KCNT2: variants seen among roughly 807,000 people sequenced by gnomAD.
KCNT2 encodes potassium channel subfamily T member 2.
In KCNT2, 67 loss-of-function variants were observed where a neutral mutation model predicts 153.8. The ratio of observed to expected loss-of-function variants is 0.44; its 90% CI spans 0.36 to 0.53. The LOEUF (loss-of-function observed/expected upper bound fraction) is 0.53. Among genes scored for constraint, KCNT2 ranks in the 20% least tolerant of loss-of-function variants. The pLI, the probability that KCNT2 is intolerant of heterozygous loss-of-function variation, is 0.00. For missense variants in KCNT2, 975 were observed against 1,354.8 expected (o/e 0.72, Z 4.40); for synonymous variants, 500 against 458.8 (o/e 1.09, Z -1.15).
At chr1:196,473,826 A>G (rs1376649510) in intron 5 of KCNT2, among the ~76,000 whole-genome samples, 2 of 152,186 alleles carry the variant, frequency 1.3e-5, no homozygotes, top group African/African-American at 4.8e-5. Context: ...ATGGTGAAAA[A>G]AAGTATGCTT....
intron 12 of KCNT2, among the ~76,000 whole-genome samples, chr1:196,415,186 CA>C (rs369830211): frequency 1.2e-4 from 18 of 151,964 alleles, no homozygotes; most frequent in African/African-American, 4.3e-4. Context: ...CAGACCTCGA[CA>C]TTTTGAAAAC....
chr1:196,580,279 G>A (rs1027405698), intron 1 of KCNT2, among the ~76,000 whole-genome samples: 2 of 152,154 alleles, frequency 1.3e-5, no homozygotes, highest in Non-Finnish European at 2.9e-5. Flanking sequence ...AGAAAAAAGT[G>A]ATAAACAATC....
intron 12 of KCNT2, among the ~76,000 whole-genome samples, chr1:196,402,686 A>G (rs1053453722): frequency 6.6e-6 from 1 of 151,668 alleles, no homozygotes; most frequent in Admixed American, 6.6e-5. Context: ...ATGACATTAA[A>G]TGCCAATGGA....
In KCNT2 at chr1:196,228,114, TA is replaced by T; in HGVS notation, c.*109del. 1.6e-6 allele frequency: 1 copy of T among 637,578 alleles called. No individual in the cohort carries two copies. Among genetic ancestry groups the T allele is most frequent in the Admixed American group, 2.9e-5 (1 of 34,270 alleles). 39.5% of individuals were successfully genotyped at this position (637,578 alleles called of 1,614,324 possible). On this transcript the variant is annotated 3_prime_UTR_variant, in exon 28 of 28. Transcript: ENST00000294725. Reference sequence around the variant, plus strand: ...CTTCTAAGAGAAGAGATTACGTTTTTAAATATGAGAGAATTACATATATTTC... The same window carrying T: ...CTTCTAAGAGAAGAGATTACGTTTTTAATATGAGAGAATTACATATATTTC...
intron 25 of KCNT2, among the ~76,000 whole-genome samples, chr1:196,279,789 A>G (rs1267233697): frequency 3.3e-5 from 5 of 151,958 alleles, no homozygotes; most frequent in Non-Finnish European, 5.9e-5. Flanking sequence ...ACTCAGAAAA[A>G]CTAACCTATT....
chr1:196,412,664 G>T (rs963219222), intron 12 of KCNT2, among the ~76,000 whole-genome samples: 24 of 151,508 alleles, frequency 1.6e-4, no homozygotes, highest in African/African-American at 5.8e-4. Flanking sequence ...CAAATGTACA[G>T]TATGGTAATC....
At chr1:196,231,937 T>C (rs1175796558) in intron 27 of KCNT2, among the ~76,000 whole-genome samples, 1 of 151,878 alleles carries the variant, frequency 6.6e-6, no homozygotes, top group East Asian at 1.9e-4. Flanking sequence ...TTAATACTTC[T>C]ATAATATTTT....
intron 13 of KCNT2, among the ~76,000 whole-genome samples, chr1:196,388,722 C>A (rs1670221142): frequency 6.6e-6 from 1 of 151,544 alleles, no homozygotes; most frequent in African/African-American, 2.4e-5. Context: ...AAATTGATTT[C>A]TGTATAAGGA....
chr1:196,291,444 C>T (rs1326958296), intron 22 of KCNT2, among the ~76,000 whole-genome samples: 1 of 151,996 alleles, frequency 6.6e-6, no homozygotes. Context: ...GATAAAAATA[C>T]ATTACACAAT....
intron 8 of KCNT2, among the ~76,000 whole-genome samples, chr1:196,463,780 G>A (rs1572542300): frequency 6.6e-6 from 1 of 151,752 alleles, no homozygotes; most frequent in East Asian, 1.9e-4. Flanking sequence ...AATTTGTCTA[G>A]GTGCCACCTA....
chr1:196,443,686 G>A (rs16839919), intron 8 of KCNT2, among the ~76,000 whole-genome samples: 8,726 of 151,540 alleles, frequency 0.058, 388 homozygotes, highest in Non-Finnish European at 0.085. Flanking sequence ...TGTGCTCTCC[G>A]TGTTCTTATA....
chr1:196,420,294 T>C (rs1673094730), intron 12 of KCNT2, among the ~76,000 whole-genome samples: 1 of 152,010 alleles, frequency 6.6e-6, no homozygotes, highest in South Asian at 2.1e-4. Flanking sequence ...TTATTAAATA[T>C]ATACTTTAAG....
At chr1:196,337,934 T>C (rs1362179813) in intron 16 of KCNT2, among the ~76,000 whole-genome samples, 1 of 152,152 alleles carries the variant, frequency 6.6e-6, no homozygotes, top group Non-Finnish European at 1.5e-5. Flanking sequence ...TAGGGATCTT[T>C]GTTTCTTCAC....
At chr1:196,514,164 C>T (rs998550254) in intron 1 of KCNT2, among the ~76,000 whole-genome samples, 11 of 152,100 alleles carry the variant, frequency 7.2e-5, no homozygotes, top group East Asian at 1.9e-4. Context: ...TCATTTTGCT[C>T]GTGTTTTCAG....
At chr1:196,518,478 T>TAAAAAA (rs35962682) in intron 1 of KCNT2, among the ~76,000 whole-genome samples, 2 of 126,362 alleles carry the variant, frequency 1.6e-5, no homozygotes, top group Admixed American at 8.0e-5. Context: ...AAGCTGGATT[T>TAAAAAA]AAAAAAAAAA....
chr1:196,320,314 C>T (rs1040269630), intron 19 of KCNT2, among the ~76,000 whole-genome samples: 2 of 151,712 alleles, frequency 1.3e-5, no homozygotes, highest in African/African-American at 4.8e-5. Flanking sequence ...TGTATCCAAA[C>T]ATTTTATTTA....
intron 1 of KCNT2, among the ~76,000 whole-genome samples, chr1:196,511,518 C>A (rs1681629579): frequency 6.6e-6 from 1 of 152,100 alleles, no homozygotes; most frequent in Non-Finnish European, 1.5e-5. Context: ...GACAGAGAGA[C>A]ATAATGAGAC....
chr1:196,362,779 C>G (rs1189240388), intron 14 of KCNT2, among the ~76,000 whole-genome samples: 1 of 152,112 alleles, frequency 6.6e-6, no homozygotes. Flanking sequence ...GTAGGATGCT[C>G]TCAATATTTC....
At chr1:196,543,913 T>C (rs1248949554) in intron 1 of KCNT2, among the ~76,000 whole-genome samples, 2 of 151,092 alleles carry the variant, frequency 1.3e-5, no homozygotes, top group African/African-American at 2.4e-5. Context: ...AGAAATATAA[T>C]TGTGTATTTA....
Sources: allele counts gnomAD v4.1 joint callset (sites outside exome capture counted in the v4.1 genomes callset), GRCh38; gene constraint gnomAD v4.1.1; transcripts MANE v1.5; gene names NCBI Gene and HGNC (gene_info 2026-07-23, HGNC 2026-07-21).